The following MIGA1 variants were observed in gnomAD, a reference collection of about 807,000 sequenced individuals.
The protein encoded by MIGA1 is family with sequence similarity 73, member A.
Under a neutral mutation model 82.0 loss-of-function variants are expected in MIGA1, and 58 were observed. The observed-to-expected ratio is 0.71, with a 90% confidence interval of 0.57 to 0.88. MIGA1 has a LOEUF of 0.88. Among genes scored for constraint, MIGA1 ranks in the 40% least tolerant of loss-of-function variants. The probability of loss-of-function intolerance (pLI) is 0.00; values close to 1 mark genes in which losing one functional copy is unlikely to be tolerated. For missense variants in MIGA1, 751 were observed against 749.1 expected (o/e 1.00, Z -0.03); for synonymous variants, 249 against 253.6 (o/e 0.98, Z 0.17).
intron 2 of MIGA1, among the ~76,000 whole-genome samples, chr1:77,793,871 C>A (rs1305345058): frequency 6.7e-6 from 1 of 149,616 alleles, no homozygotes; most frequent in Non-Finnish European, 1.5e-5. Flanking sequence ...ACTGCAACCT[C>A]TACCTCCTGG....
chr1:77,859,543 A>G (rs946227930), intron 10 of MIGA1, 157 bp downstream of exon 10: 26 of 564,774 alleles, frequency 4.6e-5, no homozygotes, highest in Non-Finnish European at 8.2e-5. Flanking sequence ...CCTCCCTGCT[A>G]CTTGCCTTCA....
chr1:77,869,890 C>T (rs1373987782), intron 14 of MIGA1, among the ~76,000 whole-genome samples: 8 of 121,770 alleles, frequency 6.6e-5, no homozygotes, highest in African/African-American at 2.0e-4. Context: ...CCCTCCCGGA[C>T]GGGGCGGCTG....
intron 12 of MIGA1, 82 bp from the exon 13 acceptor site, chr1:77,863,812 A>G: frequency 1.9e-6 from 2 of 1,036,138 alleles, no homozygotes. Flanking sequence ...CCCTGCTGTT[A>G]TAAAACCATA....
At chr1:77,843,692 T>A (rs1193426355) in intron 8 of MIGA1, among the ~76,000 whole-genome samples, 1 of 152,156 alleles carries the variant, frequency 6.6e-6, no homozygotes, top group East Asian at 1.9e-4. Context: ...GGAAAGCAAT[T>A]TTTCAACTTA....
intron 8 of MIGA1, among the ~76,000 whole-genome samples, chr1:77,845,322 G>A (rs1684795116): frequency 6.6e-6 from 1 of 151,988 alleles, no homozygotes; most frequent in African/African-American, 2.4e-5. Flanking sequence ...CTATTCTGTA[G>A]ATACTATGTC....
intron 4 of MIGA1, among the ~76,000 whole-genome samples, chr1:77,803,950 A>G (rs1448230076): frequency 6.6e-6 from 1 of 152,202 alleles, no homozygotes; most frequent in African/African-American, 2.4e-5. Flanking sequence ...ATAAATGCTT[A>G]AAGATAAAGG....
At chr1:77,857,692 C>CTCTAGAAGTTT (rs72182527) in intron 8 of MIGA1, among the ~76,000 whole-genome samples, 1 of 148,162 alleles carries the variant, frequency 6.7e-6, no homozygotes, top group East Asian at 2.0e-4. Context: ...AAACAAAACA[C>CTCTAGAAGTTT]TCTAGAAGTT....
chr1:77,873,434 C>T (rs1646866353), intron 15 of MIGA1, among the ~76,000 whole-genome samples: 1 of 152,176 alleles, frequency 6.6e-6, no homozygotes, highest in African/African-American at 2.4e-5. Context: ...ATGTGACAGT[C>T]AAATCAATGT....
At chr1:77,842,734 G>A (rs573761762) in intron 7 of MIGA1, among the ~76,000 whole-genome samples, 1 of 152,270 alleles carries the variant, frequency 6.6e-6, no homozygotes, top group African/African-American at 2.4e-5. Context: ...TAGAGACGGG[G>A]TTTCGCCATG....
At chr1:77,788,229 C>G (rs1456897105) in intron 2 of MIGA1, among the ~76,000 whole-genome samples, 1 of 152,204 alleles carries the variant, frequency 6.6e-6, no homozygotes. Flanking sequence ...TCTTGAACTC[C>G]TGACGTCAAG....
intron 8 of MIGA1, among the ~76,000 whole-genome samples, chr1:77,852,831 T>C (rs1685104260): frequency 6.6e-6 from 1 of 152,084 alleles, no homozygotes; most frequent in Admixed American, 6.6e-5. Context: ...GCTGGTATTA[T>C]AGGCATGTGC....
intron 7 of MIGA1, among the ~76,000 whole-genome samples, chr1:77,828,109 C>A (rs774133448): frequency 6.6e-6 from 1 of 151,926 alleles, no homozygotes; most frequent in Non-Finnish European, 1.5e-5. Flanking sequence ...TAATGGTTTC[C>A]TTTGTGACAT....
At chr1:77,786,863 C>T (rs183894187) in intron 2 of MIGA1, among the ~76,000 whole-genome samples, 2 of 152,356 alleles carry the variant, frequency 1.3e-5, no homozygotes, top group African/African-American at 2.4e-5. Flanking sequence ...GTTCCAAAGT[C>T]ACATCCACAT....
At chr1:77,829,527 G>A (rs1027429294) in intron 7 of MIGA1, among the ~76,000 whole-genome samples, 16 of 152,098 alleles carry the variant, frequency 1.1e-4, no homozygotes, top group African/African-American at 2.7e-4. Flanking sequence ...GGAGTGCCGC[G>A]GCGCGATCTC....
intron 2 of MIGA1, among the ~76,000 whole-genome samples, chr1:77,800,878 TTAAA>T (rs1316776583): frequency 6.6e-6 from 1 of 152,230 alleles, no homozygotes; most frequent in Non-Finnish European, 1.5e-5. Flanking sequence ...GAAATATTTG[TTAAA>T]TAATTTGTGA....
Position 77,875,184 on chromosome 1 carries a change from A to G in MIGA1, c.*120A>G. On this transcript the variant is annotated 3_prime_UTR_variant, in exon 16 of 16. Coordinates refer to ENST00000370791, the MANE Select transcript of MIGA1 (RefSeq NM_198549.4). ...GCATGTGGATTCAGGGAGGAAAAAA[A>G]AATCTACTAAAAAATGAGCAACTGT... 1 of 772,148 alleles carries G rather than the reference A, an allele frequency of 1.3e-6. No individual in the cohort carries two copies. The highest frequency in any genetic ancestry group is 2.1e-6 in the Non-Finnish European group (1 of 479,048). 47.8% of individuals were successfully genotyped at this position (772,148 alleles called of 1,614,324 possible). A position where few individuals can be genotyped will look rare whatever the true frequency, so the allele number is the denominator to read the frequency against.
intron 2 of MIGA1, among the ~76,000 whole-genome samples, chr1:77,789,329 C>T (rs979116857): frequency 2.6e-5 from 4 of 151,604 alleles, no homozygotes; most frequent in Non-Finnish European, 5.9e-5. Context: ...CCACCTTAGC[C>T]TCCCAAGTAG....
intron 15 of MIGA1, among the ~76,000 whole-genome samples, chr1:77,873,603 A>G (rs1646867718): frequency 6.6e-6 from 1 of 152,240 alleles, no homozygotes; most frequent in Non-Finnish European, 1.5e-5. Context: ...GTTATCTCCC[A>G]ATGTCAGCAG....
At chr1:77,789,604 C>T (rs1368920907) in intron 2 of MIGA1, among the ~76,000 whole-genome samples, 2 of 152,040 alleles carry the variant, frequency 1.3e-5, no homozygotes, top group African/African-American at 2.4e-5. Context: ...TTTTAAAAAT[C>T]GTTTTGATCT....
Sources: allele counts gnomAD v4.1 joint callset (sites outside exome capture counted in the v4.1 genomes callset), GRCh38; gene constraint gnomAD v4.1.1; transcripts MANE v1.5; gene names NCBI Gene and HGNC (gene_info 2026-07-23, HGNC 2026-07-21).